USE1: variants seen among roughly 807,000 people sequenced by gnomAD.
USE1 encodes the protein unconventional SNARE in the ER 1.
Under a neutral mutation model 37.6 loss-of-function variants are expected in USE1, and 32 were observed. That is an observed-to-expected ratio of 0.85 (90% CI 0.64 to 1.14). The LOEUF (loss-of-function observed/expected upper bound fraction) is 1.14. USE1 is among the 50% of genes most tolerant of loss of function. The pLI is 0.00. For synonymous variants in USE1, 149 were observed against 137.6 expected, an observed-to-expected ratio of 1.08 and a Z score of -0.58; for missense variants, 310 against 332.2, an observed-to-expected ratio of 0.93 and a Z score of 0.52.
intron 5 of USE1, chr19:17,217,878 C>A: frequency 2.8e-6 from 1 of 353,904 alleles, no homozygotes; most frequent in Admixed American, 3.9e-5. Context: ...CACCACTGCA[C>A]TCCAGCCGGG....
intron 1 of USE1, 125 bp from the exon 2 acceptor site, chr19:17,215,677 C>A: frequency 9.4e-7 from 1 of 1,065,692 alleles, no homozygotes; most frequent in Non-Finnish European, 1.3e-6. Flanking sequence ...TGGGACTCCG[C>A]CCCTCCCCCA....
At chr19:17,219,004 G>A (rs2073308007) in intron 6 of USE1, among the ~76,000 whole-genome samples, 1 of 150,946 alleles carries the variant, frequency 6.6e-6, no homozygotes, top group African/African-American at 2.4e-5. Context: ...GCAGGTGCCT[G>A]TAATCCCAGC....
chr19:17,217,281 A>G (rs1470443945), intron 4 of USE1, among the ~76,000 whole-genome samples, 172 bp from the exon 5 acceptor site: 2 of 151,372 alleles, frequency 1.3e-5, no homozygotes, highest in African/African-American at 2.4e-5. Context: ...GATCACAGGC[A>G]CCCCCACCAC....
intron 1 of USE1, 82 bp downstream of exon 1, chr19:17,215,589 C>G (rs1056752700): frequency 7.4e-6 from 11 of 1,490,212 alleles, no homozygotes; most frequent in Non-Finnish European, 9.0e-6. Context: ...GCCCGACTCC[C>G]CGGCCCCAGT....
chr19:17,215,940 CCTGAGCTGGGGACCATGGA>C, intron 2 of USE1, 33 bp from the exon 3 acceptor site: 3 of 1,582,548 alleles, frequency 1.9e-6, no homozygotes, highest in Non-Finnish European at 2.6e-6. Context: ...GGGACCCTTC[CCTGAGCTGGGGACCATGGA>C]CAGGTTTTGT....
At position 17,215,439 on chromosome 19, in the gene USE1, C is replaced by T; in HGVS notation, c.34C>T (p.Arg12Trp). 5 of 1,562,518 alleles carry T rather than the reference C, an allele frequency of 3.2e-6. No individual in the cohort carries two copies. The highest frequency in any genetic ancestry group is 1.4e-5 in the African/African-American group (1 of 73,516). The change falls in exon 1 of 8, where the codon CGG becomes TGG. Residue 12 changes from arginine (R) to tryptophan (W), a missense_variant. Physicochemically the swap from Arg to Trp is moderately radical, Grantham distance 101 (BLOSUM62 -3). Transcript: ENST00000263897. ...AASRLELNLVRLLSRCEAMAA... is the reference protein window; with the variant it reads ...AASRLELNLVWLLSRCEAMAA... ...GTCGAGGCTGGAGCTAAACCTGGTG[C>T]GGCTGCTATCCCGCTGCGAGGCGAT...
At chr19:17,217,501 T>C in intron 5 of USE1, 39 bp downstream of exon 5, 1 of 1,608,256 alleles carries the variant, frequency 6.2e-7, no homozygotes, top group Non-Finnish European at 8.5e-7. Context: ...GAGGGCCAGC[T>C]GACTAGGACA....
chr19:17,218,533 C>A, intron 6 of USE1, 142 bp downstream of exon 6: 1 of 1,127,670 alleles, frequency 8.9e-7, no homozygotes. Context: ...ATGCTCTTCC[C>A]AGAAGTCAAA....
intron 3 of USE1, 35 bp from the exon 4 acceptor site, chr19:17,216,134 C>T: frequency 6.2e-7 from 1 of 1,613,434 alleles, no homozygotes; most frequent in Non-Finnish European, 8.5e-7. Context: ...CCAGGACCTG[C>T]CCCTCCAGTG....
At chr19:17,217,000 T>C (rs1181794071) in intron 4 of USE1, among the ~76,000 whole-genome samples, 1 of 151,464 alleles carries the variant, frequency 6.6e-6, no homozygotes, top group Non-Finnish European at 1.5e-5. Flanking sequence ...ATATGAGTTG[T>C]CGTTACCAGT....
In USE1 at chr19:17,219,407, T is replaced by C. The variant is rs1599441344; in HGVS notation, c.597+20T>C. 6.5e-7 allele frequency: 1 copy of C among 1,543,934 alleles called. No individual in the cohort carries two copies. On this transcript the variant is annotated intron_variant, in intron 7 of 7. Transcript: ENST00000263897. Reference sequence around the variant, plus strand: ...AACCAGGTGTGGGGACTGGGGGAGCTCTCCAGCCTCTGCCCTGGGGCATCA... The same window carrying C: ...AACCAGGTGTGGGGACTGGGGGAGCCCTCCAGCCTCTGCCCTGGGGCATCA...
intron 4 of USE1, 110 bp downstream of exon 4, chr19:17,216,431 C>A: frequency 1.4e-6 from 2 of 1,430,110 alleles, no homozygotes; most frequent in South Asian, 1.3e-5. Context: ...CTAAGGGGGT[C>A]CAGCAATCTC....
chr19:17,215,781 C>G (rs1049199774), intron 1 of USE1, 21 bp from the exon 2 acceptor site: 1 of 1,596,686 alleles, frequency 6.3e-7, no homozygotes, highest in African/African-American at 1.4e-5. Context: ...CCCCGGGTGA[C>G]AATCCACTTT....
chr19:17,215,558 C>T, intron 1 of USE1, 51 bp downstream of exon 1: 1 of 1,540,586 alleles, frequency 6.5e-7, no homozygotes, highest in Non-Finnish European at 8.7e-7. Context: ...GGGGGTGATT[C>T]CTAGGGTTGG....
At chr19:17,216,858 A>T (rs570932713) in intron 4 of USE1, among the ~76,000 whole-genome samples, 1 of 152,130 alleles carries the variant, frequency 6.6e-6, no homozygotes, top group African/African-American at 2.4e-5. Flanking sequence ...CACGCCTGTA[A>T]TCCCAGCTAC....
intron 4 of USE1, among the ~76,000 whole-genome samples, 183 bp downstream of exon 4, chr19:17,216,504 T>C (rs563564537): frequency 3.8e-4 from 58 of 152,320 alleles, no homozygotes; most frequent in African/African-American, 1.3e-3. Context: ...CTTTGCTAGA[T>C]GAATAGGAAT....
rs1487791849 is a variant in USE1, at chr19:17,215,518, C to T, written c.102+11C>T. 2.6e-6 allele frequency: 4 copies of T among 1,553,450 alleles called. No homozygotes were observed. Among genetic ancestry groups the T allele is most frequent in the Non-Finnish European group, 3.5e-6 (4 of 1,149,744 alleles). ...TGGCGCCTGGAGAAGGTGAGGGGAT[C>T]TCGCACTGCCGCGTAGAGCCCGACT... On this transcript the variant is annotated intron_variant, in intron 1 of 7. Coordinates refer to ENST00000263897, the MANE Select transcript of USE1 (RefSeq NM_018467.4).
rs781274976 is a variant in USE1, at chr19:17,216,321, G to C, written c.384G>C (p.Thr128=). The C allele has an allele frequency of 6.2e-7, 1 of 1,609,278 alleles. No individual in the cohort carries two copies. Among genetic ancestry groups the C allele is most frequent in the Admixed American group, 1.7e-5 (1 of 59,974 alleles). ...AGATGCGGAGTGAGCTACTAGGCAC[G>C]GTAGGGCTCCTTCCCTGGTCCCTGG... ...TSEMRSELLG[T]DSAEPEMDVR... Residue 128 remains threonine, a splice_region_variant and synonymous_variant, in exon 4 of 8, where the codon ACG becomes ACC. Coordinates refer to ENST00000263897, the MANE Select transcript of USE1 (RefSeq NM_018467.4).
rs1175672099 is a variant in USE1, at chr19:17,215,824, T to C, written c.125T>C (p.Met42Thr). The C allele has an allele frequency of 6.3e-6, 10 of 1,591,114 alleles. No homozygotes were observed. Among genetic ancestry groups the C allele is most frequent in the Admixed American group, 3.4e-5 (2 of 58,734 alleles). ...CAGTACGTGGGAGCCCTAGAGGACA[T>C]GTTGCAGGCCCTGAAGGTCCACGCG... ...LEKYVGALED[M>T]LQALKVHASK... The change falls in exon 2 of 8, where the codon ATG becomes ACG. Residue 42 changes from methionine to threonine, a missense_variant. Met to Thr is a moderately conservative substitution (Grantham distance 81, BLOSUM62 -1). Transcript: ENST00000263897.
Sources: gnomAD v4.1 joint callset for allele counts (sites outside exome capture counted in the v4.1 genomes callset) on GRCh38, gnomAD v4.1.1 for gene constraint, MANE v1.5 for transcripts, NCBI Gene and HGNC (gene_info 2026-07-23, HGNC 2026-07-21) for gene names.